The following SGK1 variants were observed in gnomAD, a reference collection of about 807,000 sequenced individuals.
The protein encoded by SGK1 is serum/glucocorticoid regulated kinase 1.
A neutral mutation model predicts 64.2 loss-of-function variants in SGK1; 26 were observed. The ratio of observed to expected loss-of-function variants is 0.40; its 90% CI spans 0.30 to 0.56. The LOEUF (loss-of-function observed/expected upper bound fraction) is 0.56, where lower values mean the gene tolerates loss of function less well. Ranked by LOEUF, SGK1 falls within the 20% of genes least tolerant of loss-of-function variation. SGK1 has a pLI of 0.38. For synonymous variants in SGK1, 265 were observed against 239.7 expected (o/e 1.11, Z -0.98); for missense variants, 519 against 645.6 (o/e 0.80, Z 2.12).
At chr6:134,233,979 C>A (rs1326461793) in intron 2 of SGK1, among the ~76,000 whole-genome samples, 2 of 152,204 alleles carry the variant, frequency 1.3e-5, no homozygotes, top group Non-Finnish European at 2.9e-5. Flanking sequence ...AGAAATACAT[C>A]AGTGTCATAG....
chr6:134,252,616 C>CAAAAAAAAAAAAAAAAA (rs11418007), intron 2 of SGK1, among the ~76,000 whole-genome samples: 1 of 66,000 alleles, frequency 1.5e-5, no homozygotes. Context: ...GATTCCACCT[C>CAAAAAAAAAAAAAAAAA]AAAAAAAAAA....
chr6:134,302,585 C>G (rs921951897), intron 1 of SGK1, among the ~76,000 whole-genome samples: 1 of 152,072 alleles, frequency 6.6e-6, no homozygotes, highest in African/African-American at 2.4e-5. Context: ...CACAACAAAA[C>G]GTTCAGAAAA....
rs1775274740 is a variant in SGK1, at chr6:134,177,958, C to T, written c.362-3372G>A. 5.0e-6 allele frequency: 4 copies of T among 798,140 alleles called. No individual in the cohort carries two copies. The South Asian group carries it at 5.7e-5, about 11-fold the overall frequency. 49.4% of individuals were successfully genotyped at this position (798,140 alleles called of 1,614,324 possible). ...TTATTCTCCCCATTGCGACATCACT[C>T]AGAAAATTACAGTCATCAGTGTCCT... On this transcript the variant is annotated intron_variant, in intron 3 of 13. Coordinates refer to ENST00000367858, the MANE Select transcript of SGK1 (RefSeq NM_001143676.3).
At chr6:134,293,401 A>G (rs1214326310) in intron 1 of SGK1, among the ~76,000 whole-genome samples, 2 of 152,202 alleles carry the variant, frequency 1.3e-5, no homozygotes, top group East Asian at 3.9e-4. Context: ...TAAAAAGAAA[A>G]ACAAGCAAAA....
At chr6:134,173,808 G>A (rs1775117048) in intron 5 of SGK1, 197 bp downstream of exon 5, 1 of 578,708 alleles carries the variant, frequency 1.7e-6, no homozygotes, top group Non-Finnish European at 3.0e-6. Context: ...CCACTTTGGA[G>A]GTAAAATATG....
Position 134,175,413 on chromosome 6 carries a change from C to T in SGK1, c.362-827G>A. On this transcript the variant is annotated intron_variant, in intron 3 of 13. Transcript: ENST00000367858. ...GGGCGCAGGCCTGCGCGCGCGACCT[C>T]GCCCGCCAGGTCCTCCCGTTCCCGC... 1.5e-6 allele frequency: 2 copies of T among 1,302,940 alleles called. 1 individual carries two copies. The allele number at this position is 1,302,940 out of a possible 1,614,324, so 80.7% of individuals were successfully genotyped here.
intron 3 of SGK1, chr6:134,177,844 C>T: frequency 6.2e-7 from 1 of 1,603,588 alleles, no homozygotes; most frequent in South Asian, 1.1e-5. Context: ...CCAGAGACGG[C>T]TATCCCTGTT....
chr6:134,219,992 G>A (rs1776058493), intron 2 of SGK1, among the ~76,000 whole-genome samples: 1 of 139,912 alleles, frequency 7.1e-6, no homozygotes, highest in Non-Finnish European at 1.5e-5. Flanking sequence ...CCGGGAGGCG[G>A]AGCTTGCAGT....
At chr6:134,276,498 G>A (rs184667719) in intron 1 of SGK1, among the ~76,000 whole-genome samples, 1 of 152,312 alleles carries the variant, frequency 6.6e-6, no homozygotes, top group African/African-American at 2.4e-5. Flanking sequence ...AAGTGGGTCA[G>A]ACATCAAATG....
At chr6:134,279,615 A>G (rs1316862761) in intron 1 of SGK1, among the ~76,000 whole-genome samples, 1 of 152,156 alleles carries the variant, frequency 6.6e-6, no homozygotes, top group Non-Finnish European at 1.5e-5. Context: ...CCCAAAATGC[A>G]TTACATTAAT....
At chr6:134,272,706 C>T (rs1191101327) in intron 1 of SGK1, among the ~76,000 whole-genome samples, 2 of 147,846 alleles carry the variant, frequency 1.4e-5, no homozygotes, top group Non-Finnish European at 3.0e-5. Flanking sequence ...TTCTCCTCAA[C>T]CCATTTGCTC....
At chr6:134,216,472 T>A (rs776547068) in intron 2 of SGK1, among the ~76,000 whole-genome samples, 1 of 152,244 alleles carries the variant, frequency 6.6e-6, no homozygotes, top group Non-Finnish European at 1.5e-5. Flanking sequence ...TTGCAAATAG[T>A]AATTTTGAAT....
chr6:134,272,653 C>T (rs1227782153), intron 1 of SGK1, among the ~76,000 whole-genome samples: 5 of 147,802 alleles, frequency 3.4e-5, no homozygotes, highest in African/African-American at 9.7e-5. Flanking sequence ...CTCTCTTAGC[C>T]GAGCTTCATG....
intron 1 of SGK1, among the ~76,000 whole-genome samples, chr6:134,278,669 T>C (rs977781588): frequency 6.6e-6 from 1 of 152,160 alleles, no homozygotes; most frequent in African/African-American, 2.4e-5. Flanking sequence ...AATTGTTCCC[T>C]GAAAACAGGA....
chr6:134,174,981 C>G (rs1250866101), intron 3 of SGK1: 12 of 1,278,416 alleles, frequency 9.4e-6, no homozygotes, highest in Non-Finnish European at 1.2e-5. Context: ...CCGGCCGCCT[C>G]GCGGTTTGCT....
intron 3 of SGK1, among the ~76,000 whole-genome samples, chr6:134,191,736 T>C (rs2114665849): frequency 6.6e-6 from 1 of 151,624 alleles, no homozygotes; most frequent in African/African-American, 2.4e-5. Context: ...TGGCGTGATC[T>C]CGGCTCACTG....
chr6:134,245,036 A>G (rs1776505907), intron 2 of SGK1, among the ~76,000 whole-genome samples: 1 of 152,212 alleles, frequency 6.6e-6, no homozygotes, highest in African/African-American at 2.4e-5. Context: ...TTGGCCTCCC[A>G]AAGTGCTGGG....
chr6:134,173,754 T>C, intron 5 of SGK1, 188 bp from the exon 6 acceptor site: 1 of 600,588 alleles, frequency 1.7e-6, no homozygotes, highest in Non-Finnish European at 2.9e-6. Context: ...TCATGTTGTT[T>C]CAGACAGATA....
chr6:134,306,388 A>ACTCCAGCCTGTT (rs1777535493), intron 1 of SGK1, among the ~76,000 whole-genome samples: 1 of 151,912 alleles, frequency 6.6e-6, no homozygotes, highest in South Asian at 2.1e-4. Flanking sequence ...GCAACACTGC[A>ACTCCAGCCTGTT]CTCCAGCCTG....
Sources: gnomAD v4.1 joint callset for allele counts (sites outside exome capture counted in the v4.1 genomes callset) on GRCh38, gnomAD v4.1.1 for gene constraint, MANE v1.5 for transcripts, NCBI Gene and HGNC (gene_info 2026-07-23, HGNC 2026-07-21) for gene names.